Variants in CAB39 observed in about 807,000 individuals in gnomAD.
The protein encoded by CAB39 is calcium-binding protein 39.
A neutral mutation model predicts 40.0 loss-of-function variants in CAB39; 8 were observed. The observed-to-expected ratio is 0.20, with a 90% CI of 0.12 to 0.36. CAB39 has a LOEUF of 0.36. Among genes scored for constraint, CAB39 ranks in the 10% least tolerant of loss-of-function variants. The probability of loss-of-function intolerance (pLI) is 1.00; values close to 1 mark genes in which losing one functional copy is unlikely to be tolerated. For synonymous variants in CAB39, 156 were observed against 141.6 expected, an observed-to-expected ratio of 1.10 and a Z score of -0.72; for missense variants, 270 against 401.1, an observed-to-expected ratio of 0.67 and a Z score of 2.79.
chr2:230,722,661 C>G (rs561007332), intron 1 of CAB39, among the ~76,000 whole-genome samples: 2 of 152,206 alleles, frequency 1.3e-5, no homozygotes, highest in African/African-American at 4.8e-5. Context: ...GTAAGAATGC[C>G]ATGCATAGCG....
rs528026081 is a variant in CAB39, at chr2:230,732,039, CA to C, written c.-44+18812del. The stretch of plus-strand genomic sequence containing the variant: ...TTCTAAGACTGTCTTAGTGAGTGGT[CA>C]AAGGAGAGAGAGCTGAGAGCTTGGT... On this transcript the variant is annotated intron_variant, in intron 1 of 8. Coordinates refer to ENST00000258418, the MANE Select transcript of CAB39 (RefSeq NM_016289.4). 8.3e-4 allele frequency among the ~76,000 whole-genome samples: 124 copies of C among 150,208 alleles called. 1 individual carries two copies. In the Middle Eastern group the frequency reaches 0.014, roughly 17 times the overall value.
Position 230,737,191 on chromosome 2 carries a change from A to G in CAB39, c.-43-22768A>G, listed in dbSNP as rs544362799. 2.5e-4 allele frequency among the ~76,000 whole-genome samples: 38 copies of G among 152,312 alleles called. 1 individual carries two copies. Among genetic ancestry groups the G allele is most frequent in the Admixed American group, 4.6e-4 (7 of 15,298 alleles). On this transcript the variant is annotated intron_variant, in intron 1 of 8. Coordinates refer to ENST00000258418, the MANE Select transcript of CAB39 (RefSeq NM_016289.4). ...TTTAAATTGATGACACTGAAACCCA[A>G]TATGTAAAACTGATAAGAGTGAGGT...
chr2:230,789,188 G>C (rs1278803155), intron 2 of CAB39, among the ~76,000 whole-genome samples: 1 of 151,960 alleles, frequency 6.6e-6, no homozygotes, highest in East Asian at 1.9e-4. Flanking sequence ...TTTTATCTTA[G>C]ACCTTGTAGT....
chr2:230,784,483 TAAG>T (rs1161407497), intron 2 of CAB39, among the ~76,000 whole-genome samples: 2 of 152,044 alleles, frequency 1.3e-5, no homozygotes, highest in African/African-American at 2.4e-5. Context: ...GTCTAGAGAA[TAAG>T]AAGAGGAAGC....
At chr2:230,721,528 G>C (rs1378642041) in intron 1 of CAB39, among the ~76,000 whole-genome samples, 1 of 152,178 alleles carries the variant, frequency 6.6e-6, no homozygotes, top group Non-Finnish European at 1.5e-5. Context: ...CTATATTTGT[G>C]CTTATTTGAA....
At chr2:230,725,217 G>A (rs943178039) in intron 1 of CAB39, 16 of 1,598,668 alleles carry the variant, frequency 1.0e-5, no homozygotes, top group African/African-American at 1.3e-5. Context: ...GTGTCTTTCA[G>A]CCATTCCCGG....
chr2:230,775,304 C>T (rs567296309), intron 2 of CAB39, among the ~76,000 whole-genome samples: 18 of 147,500 alleles, frequency 1.2e-4, no homozygotes, highest in African/African-American at 3.8e-4. Context: ...GGTGTGATCT[C>T]GGCTCACCGC....
chr2:230,730,121 A>G (rs185475160), intron 1 of CAB39, among the ~76,000 whole-genome samples: 1 of 152,310 alleles, frequency 6.6e-6, no homozygotes, highest in African/African-American at 2.4e-5. Context: ...ATTTTTTCTT[A>G]TAATTTTAGA....
chr2:230,717,379 A>G (rs1190442516), intron 1 of CAB39, among the ~76,000 whole-genome samples: 1 of 152,196 alleles, frequency 6.6e-6, no homozygotes, highest in Non-Finnish European at 1.5e-5. Context: ...GAAGGAATTG[A>G]GCTGTGTGAG....
intron 2 of CAB39, among the ~76,000 whole-genome samples, chr2:230,772,405 A>G (rs543028672): frequency 8.5e-5 from 13 of 152,280 alleles, no homozygotes; most frequent in African/African-American, 3.1e-4. Flanking sequence ...GACTATACCA[A>G]ATGTTGGCAA....
chr2:230,754,885 T>C (rs929892237), intron 1 of CAB39, among the ~76,000 whole-genome samples: 2 of 152,208 alleles, frequency 1.3e-5, no homozygotes, highest in Non-Finnish European at 2.9e-5. Context: ...ATCATTCTTA[T>C]GCCTTTGCGT....
At chr2:230,741,164 T>G (rs1694870693) in intron 1 of CAB39, among the ~76,000 whole-genome samples, 1 of 152,192 alleles carries the variant, frequency 6.6e-6, no homozygotes, top group African/African-American at 2.4e-5. Flanking sequence ...TTTATAGGAA[T>G]TTGGTTGCTG....
chr2:230,791,169 C>A, intron 3 of CAB39, 133 bp downstream of exon 3: 2 of 634,068 alleles, frequency 3.2e-6, no homozygotes, highest in African/African-American at 1.9e-5. Flanking sequence ...TGTCAGCATG[C>A]CTGGGCTGCC....
At chr2:230,756,879 G>C (rs1695202310) in intron 1 of CAB39, among the ~76,000 whole-genome samples, 1 of 152,108 alleles carries the variant, frequency 6.6e-6, no homozygotes, top group Non-Finnish European at 1.5e-5. Context: ...TTTTAGTAGA[G>C]ATGGGGTTTC....
chr2:230,757,756 A>G (rs1422142071), intron 1 of CAB39, among the ~76,000 whole-genome samples: 1 of 152,154 alleles, frequency 6.6e-6, no homozygotes, highest in Non-Finnish European at 1.5e-5. Context: ...ATATTTTCAG[A>G]GGACATATTG....
chr2:230,748,827 AAAAAATATATATATATATATATATATAT>A (rs1362226221), intron 1 of CAB39, among the ~76,000 whole-genome samples: 2 of 56,496 alleles, frequency 3.5e-5, no homozygotes, highest in East Asian at 1.1e-3. Context: ...AAAAAAAAAA[AAAAAATATATATATATATATATATATAT>A]ATATATATAT....
intron 6 of CAB39, among the ~76,000 whole-genome samples, chr2:230,811,707 G>C (rs1044156077): frequency 1.3e-5 from 2 of 152,246 alleles, no homozygotes; most frequent in African/African-American, 2.4e-5. Flanking sequence ...GATTAGATAA[G>C]AACGTGTATG....
chr2:230,767,500 T>G (rs1235519406), intron 2 of CAB39, among the ~76,000 whole-genome samples: 1 of 152,182 alleles, frequency 6.6e-6, no homozygotes, highest in Non-Finnish European at 1.5e-5. Context: ...AATATATTCC[T>G]TAGAGTAAAA....
chr2:230,760,755 A>G (rs1051219285), intron 2 of CAB39, among the ~76,000 whole-genome samples: 1 of 152,012 alleles, frequency 6.6e-6, no homozygotes, highest in African/African-American at 2.4e-5. Context: ...CTTTCATCCC[A>G]CTTGTGACTT....
Sources: allele counts gnomAD v4.1 joint callset (sites outside exome capture counted in the v4.1 genomes callset), GRCh38; gene constraint gnomAD v4.1.1; transcripts MANE v1.5; gene names NCBI Gene and HGNC (gene_info 2026-07-23, HGNC 2026-07-21).